Variants in METTL13 observed in about 807,000 individuals in gnomAD.
The protein encoded by METTL13 is methyltransferase 13, eEF1A N-terminus and K55, also known as eEF1A lysine and N-terminal methyltransferase.
Under a neutral mutation model 67.4 loss-of-function variants are expected in METTL13, and 52 were observed. The ratio of observed to expected loss-of-function variants is 0.77; its 90% CI spans 0.62 to 0.97. The LOEUF (loss-of-function observed/expected upper bound fraction) is 0.97. METTL13 is among the 50% of genes least tolerant of loss of function. The pLI is 0.00. For synonymous variants in METTL13, 354 were observed against 353.6 expected (o/e 1.00, Z -0.01); for missense variants, 825 against 889.6 (o/e 0.93, Z 0.92).
intron 4 of METTL13, among the ~76,000 whole-genome samples, chr1:171,788,411 G>A (rs1053329973): frequency 6.6e-6 from 1 of 152,358 alleles, no homozygotes. Context: ...TAATGTGGTC[G>A]CGACTAGCCA....
At chr1:171,786,587 G>T (rs1231062311) in intron 3 of METTL13, among the ~76,000 whole-genome samples, 1 of 152,208 alleles carries the variant, frequency 6.6e-6, no homozygotes, top group African/African-American at 2.4e-5. Flanking sequence ...CAACTGTCTT[G>T]TGCTATCCTG....
Position 171,784,051 on chromosome 1 carries a change from C to T in METTL13, c.465C>T (p.Arg155=), listed in dbSNP as rs1277226573. The part of the protein sequence containing the change: ...EVGRVLQVGG[R]YLCISLAQAH... Reference sequence around the variant, plus strand: ...GCCGTGTCCTGCAGGTGGGCGGTCGCTATCTCTGCATCTCCCTGGCTCAGG... The same window carrying T: ...GCCGTGTCCTGCAGGTGGGCGGTCGTTATCTCTGCATCTCCCTGGCTCAGG... Residue 155 remains arginine, a synonymous_variant, in exon 2 of 8, where the codon CGC becomes CGT. Transcript: ENST00000361735. The T allele has an allele frequency of 6.2e-7, 1 of 1,614,210 alleles. No homozygotes were observed. The highest frequency in any genetic ancestry group is 8.5e-7 in the Non-Finnish European group (1 of 1,180,034).
intron 5 of METTL13, 65 bp downstream of exon 5, chr1:171,790,681 G>A: frequency 7.3e-7 from 1 of 1,374,492 alleles, no homozygotes; most frequent in South Asian, 2.0e-5. Flanking sequence ...AACAATTGGT[G>A]TCACTTGCAT....
Position 171,797,086 on chromosome 1 carries a change from A to G in METTL13, c.*330A>G, listed in dbSNP as rs1040153099. On this transcript the variant is annotated 3_prime_UTR_variant, in exon 8 of 8. Coordinates refer to ENST00000361735, the MANE Select transcript of METTL13 (RefSeq NM_015935.5). ...AGCCCCTCAGAACTCAAGACATCCA[A>G]ATTTTATTGCGTCTCTACTTATACT... 3.6e-6 allele frequency: 1 copy of G among 277,922 alleles called. No individual in the cohort carries two copies. The highest frequency in any genetic ancestry group is 6.9e-6 in the Non-Finnish European group (1 of 145,658). 17.2% of individuals were successfully genotyped at this position (277,922 alleles called of 1,614,324 possible).
intron 2 of METTL13, 31 bp downstream of exon 2, chr1:171,784,530 G>A: frequency 6.8e-7 from 1 of 1,479,702 alleles, no homozygotes; most frequent in Non-Finnish European, 8.9e-7. Flanking sequence ...CTCTTCCCTG[G>A]AGGGGCTGGC....
chr1:171,794,986 AT>A (rs1657321396), intron 7 of METTL13, among the ~76,000 whole-genome samples: 1 of 151,998 alleles, frequency 6.6e-6, no homozygotes, highest in South Asian at 2.1e-4. Context: ...TGCCTGGCTA[AT>A]TTTTTTATTT....
rs145668821 is a variant in METTL13, at chr1:171,794,109, C to T, written c.1694-287C>T. On this transcript the variant is annotated intron_variant, in intron 6 of 7. Transcript: ENST00000361735. ...CCACTGGTGTTGATAGACTCTTAAC[C>T]GAGAAATATTCATGCAAAGGGGACC... Among the ~76,000 whole-genome samples the T allele has an allele frequency of 9.9e-4, 151 of 152,302 alleles. No homozygotes were observed. The East Asian group carries it at 0.023, about 24-fold the overall frequency.
rs150322704 is a variant in METTL13, at chr1:171,784,181, C to T, written c.595C>T (p.Gln199Ter). The stretch of plus-strand genomic sequence containing the variant: ...GGACCAGGTGTTGGAAGCAGAGCCT[C>T]AGTTCTCCTTGCCTGTCTTTGCCTT... ...SQDQVLEAEP[Q>*]FSLPVFAFIM... Residue 199 changes from glutamine (Q) to a stop codon, truncating the protein, a stop_gained, in exon 2 of 8, where the codon CAG becomes TAG. Transcript: ENST00000361735. LOFTEE classifies it high-confidence loss of function. 1.2e-6 allele frequency: 2 copies of T among 1,614,234 alleles called. No homozygotes were observed. The highest frequency in any genetic ancestry group is 1.7e-6 in the Non-Finnish European group (2 of 1,180,052).
intron 7 of METTL13, among the ~76,000 whole-genome samples, chr1:171,795,846 C>T (rs1036242659): frequency 6.6e-5 from 10 of 152,120 alleles, no homozygotes; most frequent in African/African-American, 1.9e-4. Context: ...ATTTTACTTT[C>T]GTAGGGAATC....
At chr1:171,786,208 C>T (rs1657005134) in intron 3 of METTL13, 130 bp downstream of exon 3, 5 of 1,004,068 alleles carry the variant, frequency 5.0e-6, no homozygotes, top group Non-Finnish European at 7.2e-6. Flanking sequence ...GGGGTATCAG[C>T]AGCTAAGGGT....
chr1:171,783,735 TCCAGGTGC>T lies in METTL13; in HGVS notation c.154-4_157del. On this transcript the variant is annotated splice_acceptor_variant and splice_polypyrimidine_tract_variant and coding_sequence_variant and intron_variant, in exon 2 of 8. Coordinates refer to ENST00000361735, the MANE Select transcript of METTL13 (RefSeq NM_015935.5). LOFTEE classifies it high-confidence loss of function. ...CTCCCTCTTGTCTGTGAATTTTTTC[TCCAGGTGC>T]TGGTGATTGGGTGTGGCAACTCAGA... is the stretch of plus-strand genomic sequence containing the variant. 6.3e-7 allele frequency: 1 copy of T among 1,594,826 alleles called. No homozygotes were observed.
chr1:171,784,474 G>T lies in METTL13; in HGVS notation c.888G>T (p.Arg296=). The T allele has an allele frequency of 6.6e-7, 1 of 1,504,916 alleles. No homozygotes were observed. The highest frequency in any genetic ancestry group is 1.4e-5 in the African/African-American group (1 of 71,552). The allele number at this position is 1,504,916 out of a possible 1,614,324, so 93.2% of individuals were successfully genotyped here. The change falls in exon 2 of 8, where the codon CGG becomes CGT. Residue 296 remains arginine, a synonymous_variant. Transcript: ENST00000361735. ...VVDSPTVKPS[R]DNHFAIFIIP... is the part of the protein sequence containing the mutation. The stretch of plus-strand genomic sequence containing the variant: ...ACAGCCCCACTGTGAAACCATCGCG[G>T]GACAATCATTTTGCGATTTTCATCA...
At position 171,796,584 on chromosome 1, in the gene METTL13, A is replaced by T. The variant is rs1455418178; in HGVS notation, c.1928A>T (p.Glu643Val). Reference sequence around the variant, plus strand: ...CCCCTCCTATATGTCCGGCGAATTGAGGGTGAAGTGAATGAGATCCTGTTC... The same window carrying T: ...CCCCTCCTATATGTCCGGCGAATTGTGGGTGAAGTGAATGAGATCCTGTTC... ...VFPLLYVRRI[E>V]GEVNEILFCQ... Residue 643 changes from glutamate to valine, a missense_variant, in exon 8 of 8, where the codon GAG becomes GTG. Coordinates refer to ENST00000361735, the MANE Select transcript of METTL13 (RefSeq NM_015935.5). 6.2e-7 allele frequency: 1 copy of T among 1,614,152 alleles called. No individual in the cohort carries two copies. Among genetic ancestry groups the T allele is most frequent in the East Asian group, 2.2e-5 (1 of 44,876 alleles).
At position 171,781,706 on chromosome 1, in the gene METTL13, G is replaced by A. The variant is rs914569205; in HGVS notation, c.-262G>A. ...CGGAAATCTAGTTCGGGAAAAGTGTGAGGGGCTCTTCACGTGGGGAAGGAA... is the reference window on the plus strand; with the variant it reads ...CGGAAATCTAGTTCGGGAAAAGTGTAAGGGGCTCTTCACGTGGGGAAGGAA... On this transcript the variant is annotated 5_prime_UTR_variant, in exon 1 of 8. Transcript: ENST00000361735. 9 of 1,169,144 alleles carry A rather than the reference G, an allele frequency of 7.7e-6. No individual in the cohort carries two copies. The African/African-American group carries it at 1.1e-4, about 14-fold the overall frequency. The allele number at this position is 1,169,144 out of a possible 1,614,324, so 72.4% of individuals were successfully genotyped here. A position where few individuals can be genotyped will look rare whatever the true frequency, so the allele number is the denominator to read the frequency against.
In METTL13 at chr1:171,794,422, T is replaced by C; in HGVS notation, c.1720T>C (p.Phe574Leu). Residue 574 changes from phenylalanine to leucine, a missense_variant, in exon 7 of 8, where the codon TTT becomes CTT. Coordinates refer to ENST00000361735, the MANE Select transcript of METTL13 (RefSeq NM_015935.5). ...ACGGCCTTGCTACGATGTCATAATGTTTGATGTTGACAGTAAGGACCCAAC... is the reference window on the plus strand; with the variant it reads ...ACGGCCTTGCTACGATGTCATAATGCTTGATGTTGACAGTAAGGACCCAAC... ...EARPCYDVIM[F>L]DVDSKDPTLG... 1 of 1,614,212 alleles carries C rather than the reference T, an allele frequency of 6.2e-7. No homozygotes were observed. Among genetic ancestry groups the C allele is most frequent in the Non-Finnish European group, 8.5e-7 (1 of 1,180,034 alleles).
chr1:171,794,518 A>G lies in METTL13; in HGVS notation c.1816A>G (p.Thr606Ala). The G allele has an allele frequency of 1.2e-6, 2 of 1,614,158 alleles. No individual in the cohort carries two copies. The highest frequency in any genetic ancestry group is 1.7e-6 in the Non-Finnish European group (2 of 1,180,016). ...TCTACAGAAGGTTAAAAGCATCTTG[A>G]CTCCTGAAGGTATGGAGAACAAAAG... ...SFLQKVKSILTPEGVFILNLV... is the reference protein window; with the variant it reads ...SFLQKVKSILAPEGVFILNLV... Residue 606 changes from threonine to alanine, a missense_variant, in exon 7 of 8, where the codon ACT (threonine) becomes GCT (alanine). By Grantham distance (58) the Thr-to-Ala change is moderately conservative. Coordinates refer to ENST00000361735, the MANE Select transcript of METTL13 (RefSeq NM_015935.5).
intron 7 of METTL13, among the ~76,000 whole-genome samples, chr1:171,796,116 C>T (rs1473442031): frequency 6.6e-6 from 1 of 152,226 alleles, no homozygotes; most frequent in African/African-American, 2.4e-5. Flanking sequence ...ATCCGCCTGC[C>T]TCAGCCTCCC....
chr1:171,791,872 T>C, intron 5 of METTL13, 145 bp from the exon 6 acceptor site: 1 of 733,402 alleles, frequency 1.4e-6, no homozygotes, highest in Non-Finnish European at 2.2e-6. Flanking sequence ...ACTCCTAGAT[T>C]TCTGAAATGA....
chr1:171,793,342 G>A (rs1295243649), intron 6 of METTL13, among the ~76,000 whole-genome samples: 2 of 152,236 alleles, frequency 1.3e-5, no homozygotes, highest in African/African-American at 4.8e-5. Flanking sequence ...ACAGTGCCAT[G>A]CACATGGTAA....
Sources: gnomAD v4.1 joint callset for allele counts (sites outside exome capture counted in the v4.1 genomes callset) on GRCh38, gnomAD v4.1.1 for gene constraint, MANE v1.5 for transcripts, NCBI Gene and HGNC (gene_info 2026-07-23, HGNC 2026-07-21) for gene names.